The following COL7A1 variants were observed in gnomAD, a reference collection of about 807,000 sequenced individuals.
COL7A1 encodes the protein collagen alpha-1(VII) chain.
A neutral mutation model predicts 456.2 loss-of-function variants in COL7A1; 296 were observed. That is an observed-to-expected ratio of 0.65 (90% confidence interval 0.59 to 0.71). COL7A1 has a LOEUF of 0.71. Ranked by LOEUF, COL7A1 falls within the 30% of genes least tolerant of loss-of-function variation. The probability of loss-of-function intolerance (pLI) is 0.00; values close to 1 mark genes in which losing one functional copy is unlikely to be tolerated. For missense variants in COL7A1, 3,441 were observed against 4,017.2 expected (o/e 0.86, Z 3.88); for synonymous variants, 1,464 against 1,525.9 (o/e 0.96, Z 0.95).
In COL7A1 at chr3:48,578,558, T is replaced by C; in HGVS notation, c.5425-43A>G. ...TAAGATTTATAGGGCCTCTGAGATA[T>C]CCCTTGGGGCACACCCCATGGACTA... On this transcript the variant is annotated intron_variant, in intron 63 of 118. Transcript: ENST00000681320. The surrounding 1 kb of genome is among the most constrained non-coding windows in gnomAD (Gnocchi z 4.7). The C allele has an allele frequency of 6.2e-7, 1 of 1,600,040 alleles. No homozygotes were observed. Among genetic ancestry groups the C allele is most frequent in the East Asian group, 2.2e-5 (1 of 44,820 alleles).
Position 48,582,996 on chromosome 3 carries a change from G to A in COL7A1, c.4518+17C>T. The A allele has an allele frequency of 1.9e-6, 3 of 1,614,066 alleles. No individual in the cohort carries two copies. Among genetic ancestry groups the A allele is most frequent in the Non-Finnish European group, 2.5e-6 (3 of 1,179,976 alleles). On this transcript the variant is annotated intron_variant, in intron 44 of 118. Coordinates refer to ENST00000681320, the MANE Select transcript of COL7A1 (RefSeq NM_000094.4). ...AGCCAGGTCAGCTGGTATGAGCATT[G>A]CAGCCAGTGGGTTTACCCGGGATCC...
rs771915020 is a variant in COL7A1, at chr3:48,574,877, A to G, written c.6280-12T>C. The G allele has an allele frequency of 3.7e-6, 6 of 1,613,672 alleles. No individual in the cohort carries two copies. Among genetic ancestry groups the G allele is most frequent in the Admixed American group, 1.7e-5 (1 of 59,992 alleles). The stretch of plus-strand genomic sequence containing the variant: ...TCATCCACAGACACCTACAAACACA[A>G]GGTCACAGGGGAGAGATGTCTCTGT... On this transcript the variant is annotated splice_polypyrimidine_tract_variant and intron_variant, in intron 76 of 118. Coordinates refer to ENST00000681320, the MANE Select transcript of COL7A1 (RefSeq NM_000094.4). The surrounding 1 kb of genome is among the most constrained non-coding windows in gnomAD (Gnocchi z 5.0).
chr3:48,566,952 A>G lies in COL7A1; in HGVS notation c.8181T>C (p.Pro2727=). 6.2e-7 allele frequency: 1 copy of G among 1,611,460 alleles called. No individual in the cohort carries two copies. Among genetic ancestry groups the G allele is most frequent in the Non-Finnish European group, 8.5e-7 (1 of 1,178,204 alleles). Residue 2727 remains proline (P), a synonymous_variant, in exon 111 of 119, where the codon CCT becomes CCC. Transcript: ENST00000681320. This position sits in a 1 kb window ranked among gnomAD's most constrained non-coding sequence, Gnocchi z 5.9. ...CGGGGCCTCTGGGACCAACACTGCC[A>G]GGTGGCCCTGGGGGACCAGCAGAGC... ...NDGSAGPPGP[P]GSVGPRGPEG...
Position 48,580,314 on chromosome 3 carries a change from C to T in COL7A1, c.5083G>A (p.Asp1695Asn), listed in dbSNP as rs1374768369. 1 of 1,610,628 alleles carries T rather than the reference C, an allele frequency of 6.2e-7. No homozygotes were observed. Among genetic ancestry groups the T allele is most frequent in the Non-Finnish European group, 8.5e-7 (1 of 1,178,436 alleles). ...GCCCTACTCACCGGCTCCCCACGGT[C>T]ACCCTTGGGTCCAGATGATCCAGGG... ...GSPGSSGPKGDRGEPGPPGPP... is the reference protein window; with the variant it reads ...GSPGSSGPKGNRGEPGPPGPP... The change falls in exon 56 of 119, where the codon GAC (aspartate) becomes AAC (asparagine). Residue 1695 changes from aspartate (D) to asparagine (N), a missense_variant. Around this residue, in one of 3 missense-constraint regions of COL7A1, gnomAD observed 2,084 missense variants for 2,501.3 expected, o/e 0.83. Transcript: ENST00000681320. The surrounding 1 kb of genome is among the most constrained non-coding windows in gnomAD (Gnocchi z 4.5).
chr3:48,586,919 C>G lies in COL7A1; in HGVS notation c.3276+53G>C, dbSNP rs2045306048. On this transcript the variant is annotated intron_variant, in intron 25 of 118. Coordinates refer to ENST00000681320, the MANE Select transcript of COL7A1 (RefSeq NM_000094.4). This position sits in a 1 kb window ranked among gnomAD's most constrained non-coding sequence, Gnocchi z 5.1. ...TCAGGAGATGGTAACTGGTATGGAGCCTGGGTGGGGGGCCTCAGGGAGAGG... is the reference window on the plus strand; with the variant it reads ...TCAGGAGATGGTAACTGGTATGGAGGCTGGGTGGGGGGCCTCAGGGAGAGG... The G allele has an allele frequency of 6.4e-7, 1 of 1,558,450 alleles. No homozygotes were observed. The highest frequency in any genetic ancestry group is 1.4e-5 in the African/African-American group (1 of 73,678).
rs2044930168 is a variant in COL7A1 at position 48,583,403 on chromosome 3, A to G, written c.4427T>C (p.Ile1476Thr). 43 of 1,614,118 alleles carry G rather than the reference A, an allele frequency of 2.7e-5. No homozygotes were observed. Among genetic ancestry groups the G allele is most frequent in the Non-Finnish European group, 3.6e-5 (42 of 1,179,992 alleles). Residue 1476 changes from isoleucine (I) to threonine (T), a missense_variant, in exon 42 of 119, where the codon ATT (isoleucine) becomes ACT (threonine). Coordinates refer to ENST00000681320, the MANE Select transcript of COL7A1 (RefSeq NM_000094.4). The surrounding 1 kb of genome is among the most constrained non-coding windows in gnomAD (Gnocchi z 5.1). ...EQGPRGPPGA[I>T]GPKGDRGFPG... is the part of the protein sequence containing the mutation. The stretch of plus-strand genomic sequence containing the variant: ...CCAACTGGTACTCACTTTGGGGCCA[A>G]TAGCTCCAGGAGGTCCCCGTGGGCC...
At position 48,581,151 on chromosome 3, in the gene COL7A1, C is replaced by A; in HGVS notation, c.4906G>T (p.Val1636Phe). 1 of 1,613,984 alleles carries A rather than the reference C, an allele frequency of 6.2e-7. No individual in the cohort carries two copies. Among genetic ancestry groups the A allele is most frequent in the Non-Finnish European group, 8.5e-7 (1 of 1,180,012 alleles). ...GGACCCTCGTCACCTTTCTCTCCAACTTCACCCTGTGAAACATGAGAGTCA... is the reference window on the plus strand; with the variant it reads ...GGACCCTCGTCACCTTTCTCTCCAAATTCACCCTGTGAAACATGAGAGTCA... ...PVGPRGRDGE[V>F]GEKGDEGPPG... Residue 1636 changes from valine to phenylalanine, a missense_variant, in exon 53 of 119, where the codon GTT becomes TTT. By Grantham distance (50) the Val-to-Phe change is conservative. This residue lies in a region of COL7A1 where 2,084 missense variants were observed against 2,501.3 expected (regional missense o/e 0.83). Coordinates refer to ENST00000681320, the MANE Select transcript of COL7A1 (RefSeq NM_000094.4). The surrounding 1 kb of genome is among the most constrained non-coding windows in gnomAD (Gnocchi z 5.8).
chr3:48,565,254 G>A lies in COL7A1; in HGVS notation c.8528-53C>T. On this transcript the variant is annotated intron_variant, in intron 116 of 118. Coordinates refer to ENST00000681320, the MANE Select transcript of COL7A1 (RefSeq NM_000094.4). This position sits in a 1 kb window ranked among gnomAD's most constrained non-coding sequence, Gnocchi z 4.5. ...GCAGTGGCTGCTGGCCCCGGGGCAA[G>A]GTGGGCAGCACTGATTTCCACTGTG... The A allele has an allele frequency of 6.4e-7, 1 of 1,555,068 alleles. No individual in the cohort carries two copies. Among genetic ancestry groups the A allele is most frequent in the South Asian group, 1.1e-5 (1 of 88,210 alleles).
Position 48,583,867 on chromosome 3 carries a change from C to G in COL7A1, c.4278+33G>C. 6.2e-7 allele frequency: 1 copy of G among 1,613,750 alleles called. No individual in the cohort carries two copies. The highest frequency in any genetic ancestry group is 8.5e-7 in the Non-Finnish European group (1 of 1,179,850). ...CCCAGGAGAGACCCACACCCCTGAGCAGGGCCCCCAGCAGAGCCTCAAGGC... is the reference window on the plus strand; with the variant it reads ...CCCAGGAGAGACCCACACCCCTGAGGAGGGCCCCCAGCAGAGCCTCAAGGC... On this transcript the variant is annotated intron_variant, in intron 39 of 118. Coordinates refer to ENST00000681320, the MANE Select transcript of COL7A1 (RefSeq NM_000094.4). This position sits in a 1 kb window ranked among gnomAD's most constrained non-coding sequence, Gnocchi z 5.1.
At position 48,573,665 on chromosome 3, in the gene COL7A1, C is replaced by T. The variant is rs1402241393; in HGVS notation, c.6573+25G>A. 1 of 1,612,574 alleles carries T rather than the reference C, an allele frequency of 6.2e-7. No homozygotes were observed. Among genetic ancestry groups the T allele is most frequent in the Non-Finnish European group, 8.5e-7 (1 of 1,179,350 alleles). On this transcript the variant is annotated intron_variant, in intron 82 of 118. Coordinates refer to ENST00000681320, the MANE Select transcript of COL7A1 (RefSeq NM_000094.4). This position sits in a 1 kb window ranked among gnomAD's most constrained non-coding sequence, Gnocchi z 5.5. ...TATCCCAGCCCTTCCAGACCCTCAC[C>T]AGGCAGTGTTCCCTGGTCACTCACC...
At position 48,569,391 on chromosome 3, in the gene COL7A1, C is replaced by T. The variant is rs751509041; in HGVS notation, c.7670G>A (p.Gly2557Glu). 6.2e-7 allele frequency: 1 copy of T among 1,614,146 alleles called. No homozygotes were observed. The highest frequency in any genetic ancestry group is 1.7e-5 in the Admixed American group (1 of 60,030). The change falls in exon 103 of 119, where the codon GGG becomes GAG. Residue 2557 changes from glycine (G) to glutamate (E), a missense_variant. Physicochemically the swap from Gly to Glu is moderately conservative, Grantham distance 98. Transcript: ENST00000681320. This position sits in a 1 kb window ranked among gnomAD's most constrained non-coding sequence, Gnocchi z 4.9. ...DGDKGPRGDN[G>E]DPGDKGSKGE... ...TCCCTGTACCTTGTCACCAGGGTCC[C>T]CATTGTCTCCCCGAGGTCCTTTGTC...
Position 48,579,842 on chromosome 3 carries a change from A to G in COL7A1, c.5125-28T>C. On this transcript the variant is annotated intron_variant, in intron 57 of 118. Transcript: ENST00000681320. The surrounding 1 kb of genome is among the most constrained non-coding windows in gnomAD (Gnocchi z 4.4). ...GTGGGGGGAATGACCAGTGAGAAGA[A>G]TGGCTCAACAAGGGGAAGAGGAGTT... 6.2e-7 allele frequency: 1 copy of G among 1,614,024 alleles called. No individual in the cohort carries two copies. Among genetic ancestry groups the G allele is most frequent in the Non-Finnish European group, 8.5e-7 (1 of 1,180,002 alleles).
Position 48,569,848 on chromosome 3 carries a change from C to G in COL7A1, c.7521+32G>C, listed in dbSNP as rs192945405. On this transcript the variant is annotated intron_variant, in intron 100 of 118. Coordinates refer to ENST00000681320, the MANE Select transcript of COL7A1 (RefSeq NM_000094.4). The surrounding 1 kb of genome is among the most constrained non-coding windows in gnomAD (Gnocchi z 4.9). ...ATCATACAAGATCCACTCACCCCCC[C>G]ACTCATGCCAGGACCTTCCCCACGT... 2.3e-4 allele frequency: 374 copies of G among 1,614,196 alleles called. No individual in the cohort carries two copies. Among genetic ancestry groups the G allele is most frequent in the African/African-American group, 1.8e-3 (133 of 75,058 alleles).
Position 48,590,598 on chromosome 3 carries a change from ACAGAAGT to A in COL7A1, c.1781-21_1781-15del. ...GAGTTTCCGGCTCTAGGAGTTACAG[ACAGAAGT>A]CAGAAGTCAGAACCAGGACCAGAGT... On this transcript the variant is annotated splice_polypyrimidine_tract_variant and intron_variant, in intron 14 of 118. Coordinates refer to ENST00000681320, the MANE Select transcript of COL7A1 (RefSeq NM_000094.4). The surrounding 1 kb of genome is among the most constrained non-coding windows in gnomAD (Gnocchi z 4.6). 6.2e-7 allele frequency: 1 copy of A among 1,614,080 alleles called. No individual in the cohort carries two copies. The highest frequency in any genetic ancestry group is 8.5e-7 in the Non-Finnish European group (1 of 1,180,028).
chr3:48,568,481 G>A lies in COL7A1; in HGVS notation c.7794+18C>T. Reference sequence around the variant, plus strand: ...CCTCTGGGGACAGGGGGCCCCTGTGGGAGCAGGGGCATCTTACCGGGTCAC... The same window carrying A: ...CCTCTGGGGACAGGGGGCCCCTGTGAGAGCAGGGGCATCTTACCGGGTCAC... On this transcript the variant is annotated intron_variant, in intron 105 of 118. Transcript: ENST00000681320. This position sits in a 1 kb window ranked among gnomAD's most constrained non-coding sequence, Gnocchi z 5.2. The A allele has an allele frequency of 2.5e-6, 4 of 1,594,778 alleles. No homozygotes were observed. Among genetic ancestry groups the A allele is most frequent in the Non-Finnish European group, 3.4e-6 (4 of 1,166,992 alleles).
At position 48,582,636 on chromosome 3, in the gene COL7A1, A is replaced by G; in HGVS notation, c.4536T>C (p.Ala1512=). ...CAGGACCCTTGGCTCCAGGACGTCCAGCAACCCCTGGCAGCCCCTGGAGGA... is the reference window on the plus strand; with the variant it reads ...CAGGACCCTTGGCTCCAGGACGTCCGGCAACCCCTGGCAGCCCCTGGAGGA... ...PAGSRGLPGV[A]GRPGAKGPEG... is the part of the protein sequence containing the mutation. The change falls in exon 45 of 119, where the codon GCT becomes GCC. Residue 1512 remains alanine, a synonymous_variant. Transcript: ENST00000681320. 1 of 1,613,532 alleles carries G rather than the reference A, an allele frequency of 6.2e-7. No homozygotes were observed. Among genetic ancestry groups the G allele is most frequent in the Non-Finnish European group, 8.5e-7 (1 of 1,180,028 alleles).
At position 48,573,586 on chromosome 3, in the gene COL7A1, A is replaced by C. The variant is rs2044080525; in HGVS notation, c.6574-29T>G. 1.2e-6 allele frequency: 2 copies of C among 1,613,916 alleles called. No homozygotes were observed. Among genetic ancestry groups the C allele is most frequent in the South Asian group, 1.1e-5 (1 of 91,086 alleles). Reference sequence around the variant, plus strand: ...GAGAAAAGGGTCAAGGGCAGGGAACAGGGCTCAGGGATTAACACAGAGAAG... The same window carrying C: ...GAGAAAAGGGTCAAGGGCAGGGAACCGGGCTCAGGGATTAACACAGAGAAG... On this transcript the variant is annotated intron_variant, in intron 82 of 118. Transcript: ENST00000681320. The surrounding 1 kb of genome is among the most constrained non-coding windows in gnomAD (Gnocchi z 5.5).
rs1286855870 is a variant in COL7A1, at chr3:48,586,411, T to C, written c.3471A>G (p.Val1157=). The C allele has an allele frequency of 6.2e-7, 1 of 1,613,900 alleles. No individual in the cohort carries two copies. The part of the protein sequence containing the change: ...APDAPGRRQH[V]PGVMVLLVDE... ...CCACTAGCAGAACCATCACCCCTGG[T>C]ACGTGCTGGCGGCGCCCAGGAGCAT... is the stretch of plus-strand genomic sequence containing the variant. The change falls in exon 27 of 119, where the codon GTA becomes GTG. Residue 1157 remains valine, a synonymous_variant. Transcript: ENST00000681320. The surrounding 1 kb of genome is among the most constrained non-coding windows in gnomAD (Gnocchi z 5.1).
rs751473288 is a variant in COL7A1, at chr3:48,578,019, C to T, written c.5532+302G>A. On this transcript the variant is annotated intron_variant, in intron 65 of 118. Coordinates refer to ENST00000681320, the MANE Select transcript of COL7A1 (RefSeq NM_000094.4). The surrounding 1 kb of genome is among the most constrained non-coding windows in gnomAD (Gnocchi z 4.7). ...ATCTCTACTAAAAATACAAAATTAG[C>T]CAGGCATGGTGGCGCATGCCTGTAA... 6.6e-6 allele frequency among the ~76,000 whole-genome samples: 1 copy of T among 152,176 alleles called. No homozygotes were observed. Among genetic ancestry groups the T allele is most frequent in the Non-Finnish European group, 1.5e-5 (1 of 68,044 alleles).
Sources: gnomAD v4.1 joint callset for allele counts (sites outside exome capture counted in the v4.1 genomes callset) on GRCh38, gnomAD v4.1.1 for gene constraint, gnomAD v4.1.1 regional missense constraint, Gnocchi (gnomAD v3.1) non-coding constraint, MANE v1.5 for transcripts, NCBI Gene and HGNC (gene_info 2026-07-23, HGNC 2026-07-21) for gene names.